DTX1: variants seen among roughly 807,000 people sequenced by gnomAD.
DTX1 encodes deltex E3 ubiquitin ligase 1, also known as E3 ubiquitin-protein ligase DTX1.
A neutral mutation model predicts 57.8 loss-of-function variants in DTX1; 26 were observed. That is an observed-to-expected ratio of 0.45 (90% CI 0.33 to 0.62). The LOEUF (loss-of-function observed/expected upper bound fraction) is 0.62, where lower values mean the gene tolerates loss of function less well. Among genes scored for constraint, DTX1 ranks in the 20% least tolerant of loss-of-function variants. The pLI is 0.02. For missense variants in DTX1, 704 were observed against 895.3 expected (o/e 0.79, Z 2.73); for synonymous variants, 398 against 394.1 (o/e 1.01, Z -0.12).
intron 2 of DTX1, among the ~76,000 whole-genome samples, chr12:113,070,134 G>A (rs768771037): frequency 8.5e-5 from 13 of 152,104 alleles, no homozygotes. Context: ...CTCTAAAATG[G>A]GGCAATAACA....
At chr12:113,083,304 TG>T (rs2044831358) in intron 3 of DTX1, among the ~76,000 whole-genome samples, 1 of 152,222 alleles carries the variant, frequency 6.6e-6, no homozygotes, top group Admixed American at 6.5e-5. Flanking sequence ...ACAATGTGTC[TG>T]TGTGTCTCTC....
chr12:113,090,744 TC>T (rs2136065833), intron 3 of DTX1, among the ~76,000 whole-genome samples: 2 of 152,294 alleles, frequency 1.3e-5, no homozygotes, highest in South Asian at 4.1e-4. Flanking sequence ...CGTGATACTA[TC>T]CTGTATAGCC....
chr12:113,063,150 A>G (rs2044676891), intron 2 of DTX1, among the ~76,000 whole-genome samples: 1 of 152,140 alleles, frequency 6.6e-6, no homozygotes, highest in African/African-American at 2.4e-5. Flanking sequence ...CCTCCCACAG[A>G]CAAAGATTGC....
intron 2 of DTX1, among the ~76,000 whole-genome samples, chr12:113,074,194 A>G (rs2136057169): frequency 6.6e-6 from 1 of 152,212 alleles, no homozygotes; most frequent in Non-Finnish European, 1.5e-5. Context: ...ACGCCACTGC[A>G]CTCCAGGCTG....
Position 113,077,342 on chromosome 12 carries a change from C to T in DTX1, c.260-82C>T. 1 of 1,481,638 alleles carries T rather than the reference C, an allele frequency of 6.7e-7. No individual in the cohort carries two copies. The highest frequency in any genetic ancestry group is 9.0e-7 in the Non-Finnish European group (1 of 1,116,574). The allele number at this position is 1,481,638 out of a possible 1,614,324, so 91.8% of individuals were successfully genotyped here. On this transcript the variant is annotated intron_variant, in intron 2 of 9. Coordinates refer to ENST00000548759, the MANE Select transcript of DTX1 (RefSeq NM_004416.3). This position sits in a 1 kb window ranked among gnomAD's most constrained non-coding sequence, Gnocchi z 7.8. ...GCTGACCCCCCAACCTCCCGCCCAC[C>T]CTTGCCTGGCTGTGGCCCGCCCTTC...
chr12:113,095,480 G>A, intron 9 of DTX1, 66 bp downstream of exon 9: 1 of 1,587,592 alleles, frequency 6.3e-7, no homozygotes. Flanking sequence ...CCACTGGCCT[G>A]GGCCTGTGGT....
At chr12:113,072,332 T>C (rs553041186) in intron 2 of DTX1, among the ~76,000 whole-genome samples, 111 of 152,114 alleles carry the variant, frequency 7.3e-4, no homozygotes, top group Non-Finnish European at 1.2e-3. Flanking sequence ...ATAATGACAG[T>C]GTGAGGACAG....
chr12:113,094,869 G>A lies in DTX1; in HGVS notation c.1308G>A (p.Glu436=). The A allele has an allele frequency of 6.2e-7, 1 of 1,613,768 alleles. No homozygotes were observed. The highest frequency in any genetic ancestry group is 2.2e-5 in the East Asian group (1 of 44,880). ...GVLRHKGVRP[E]LVGRLGRCGH... The stretch of plus-strand genomic sequence containing the variant: ...TTCGGCACAAGGGCGTGCGGCCTGA[G>A]CTCGTGGGCCGCCTGGGCCGCTGTG... Residue 436 remains glutamate (E), a synonymous_variant, in exon 7 of 10, where the codon GAG becomes GAA. Transcript: ENST00000548759.
At chr12:113,094,725 C>G in intron 6 of DTX1, 64 bp from the exon 7 acceptor site, 1 of 1,561,666 alleles carries the variant, frequency 6.4e-7, no homozygotes, top group East Asian at 2.3e-5. Flanking sequence ...CACCAAGGGG[C>G]AGTGCTGACC....
intron 3 of DTX1, among the ~76,000 whole-genome samples, chr12:113,086,499 C>T (rs1444775398): frequency 1.3e-5 from 2 of 152,034 alleles, no homozygotes; most frequent in East Asian, 3.9e-4. Context: ...GAGAAGGGAA[C>T]CAGCAGGGCT....
chr12:113,086,022 C>G (rs760889931), intron 3 of DTX1, among the ~76,000 whole-genome samples: 4 of 152,158 alleles, frequency 2.6e-5, no homozygotes, highest in Non-Finnish European at 5.9e-5. Flanking sequence ...AATCCCAGCA[C>G]TTTGGGAGGC....
intron 3 of DTX1, among the ~76,000 whole-genome samples, chr12:113,092,797 C>T (rs527309513): frequency 1.7e-4 from 26 of 152,294 alleles, no homozygotes; most frequent in African/African-American, 5.5e-4. Context: ...ATCTAACAAG[C>T]TTTGAGAGAT....
At position 113,093,823 on chromosome 12, in the gene DTX1, A is replaced by C. The variant is rs1592856116; in HGVS notation, c.1165+123A>C. 6.3e-5 allele frequency: 92 copies of C among 1,463,532 alleles called. No homozygotes were observed. The East Asian group carries it at 9.1e-4, about 14-fold the overall frequency. 90.7% of individuals were successfully genotyped at this position (1,463,532 alleles called of 1,614,324 possible). ...TACCTCACCTCCATTGCCTGATCTC[A>C]GCTCCCCTTGCCCTGGCCCCATCTT... On this transcript the variant is annotated intron_variant, in intron 5 of 9. Coordinates refer to ENST00000548759, the MANE Select transcript of DTX1 (RefSeq NM_004416.3). The surrounding 1 kb of genome is among the most constrained non-coding windows in gnomAD (Gnocchi z 4.2).
In DTX1 at chr12:113,077,740, G is replaced by A; in HGVS notation, c.576G>A (p.Val192=). The change falls in exon 3 of 10, where the codon GTG becomes GTA. Residue 192 remains valine, a synonymous_variant. Coordinates refer to ENST00000548759, the MANE Select transcript of DTX1 (RefSeq NM_004416.3). The surrounding 1 kb of genome is among the most constrained non-coding windows in gnomAD (Gnocchi z 7.8). ...GSIPKSQSWP[V]GASSGQPCSC... ...TCCCTAAGTCGCAGTCGTGGCCCGT[G>A]GGCGCCAGCTCGGGCCAGCCCTGCT... 6.5e-7 allele frequency: 1 copy of A among 1,532,764 alleles called. No homozygotes were observed. The highest frequency in any genetic ancestry group is 8.7e-7 in the Non-Finnish European group (1 of 1,144,712). 94.9% of individuals were successfully genotyped at this position (1,532,764 alleles called of 1,614,324 possible). A position where few individuals can be genotyped will look rare whatever the true frequency, so the allele number is the denominator to read the frequency against.
chr12:113,080,267 G>A (rs1229035689), intron 3 of DTX1, among the ~76,000 whole-genome samples: 1 of 152,208 alleles, frequency 6.6e-6, no homozygotes, highest in African/African-American at 2.4e-5. Context: ...AAAGCTGCAG[G>A]ATAGAGTCAC....
intron 2 of DTX1, among the ~76,000 whole-genome samples, chr12:113,062,201 C>T (rs2044670013): frequency 6.6e-6 from 1 of 152,154 alleles, no homozygotes; most frequent in South Asian, 2.1e-4. Flanking sequence ...TGAGGGGAGA[C>T]TGCCCTAGCT....
intron 3 of DTX1, among the ~76,000 whole-genome samples, chr12:113,085,321 A>G (rs1039781062): frequency 6.6e-6 from 1 of 152,226 alleles, no homozygotes; most frequent in African/African-American, 2.4e-5. Flanking sequence ...AAGTGCTGGG[A>G]TTACAGGCGT....
intron 3 of DTX1, among the ~76,000 whole-genome samples, chr12:113,084,604 C>A (rs1433721217): frequency 6.6e-6 from 1 of 152,178 alleles, no homozygotes; most frequent in Non-Finnish European, 1.5e-5. Flanking sequence ...AGGCTAGTCT[C>A]AAATTCCTGG....
At chr12:113,063,056 C>A (rs532516292) in intron 2 of DTX1, among the ~76,000 whole-genome samples, 1 of 152,194 alleles carries the variant, frequency 6.6e-6, no homozygotes, top group Non-Finnish European at 1.5e-5. Context: ...AGGGATGGGT[C>A]GCTTGCTCGC....
Sources: gnomAD v4.1 joint callset for allele counts (sites outside exome capture counted in the v4.1 genomes callset) on GRCh38, gnomAD v4.1.1 for gene constraint, Gnocchi (gnomAD v3.1) non-coding constraint, MANE v1.5 for transcripts, NCBI Gene and HGNC (gene_info 2026-07-23, HGNC 2026-07-21) for gene names.